The following FSTL5 variants were observed in gnomAD, a reference collection of about 807,000 sequenced individuals.
The protein encoded by FSTL5 is follistatin-related protein 5.
Under a neutral mutation model 89.1 loss-of-function variants are expected in FSTL5, and 62 were observed. The observed-to-expected ratio is 0.70, with a 90% CI of 0.57 to 0.86. FSTL5 has a LOEUF of 0.86. Among genes scored for constraint, FSTL5 ranks in the 40% least tolerant of loss-of-function variants. The pLI is 0.00. For missense variants in FSTL5, 1,057 were observed against 1,001.6 expected (o/e 1.06, Z -0.75); for synonymous variants, 383 against 346.2 (o/e 1.11, Z -1.18).
At chr4:161,590,494 G>A (rs766666459) in intron 7 of FSTL5, among the ~76,000 whole-genome samples, 45 of 152,236 alleles carry the variant, frequency 3.0e-4, no homozygotes, top group Admixed American at 3.9e-4. Flanking sequence ...AGCCGAAATC[G>A]TGCCACTGCA....
At chr4:162,048,397 G>C (rs1738270067) in intron 2 of FSTL5, among the ~76,000 whole-genome samples, 1 of 151,778 alleles carries the variant, frequency 6.6e-6, no homozygotes, top group South Asian at 2.1e-4. Context: ...TCTGCTCTCA[G>C]GACTAAAACA....
intron 8 of FSTL5, among the ~76,000 whole-genome samples, chr4:161,563,725 C>T (rs1025222211): frequency 3.9e-5 from 6 of 151,994 alleles, no homozygotes; most frequent in African/African-American, 1.4e-4. Flanking sequence ...TTCTCCCCAA[C>T]AATTTGGCCA....
intron 15 of FSTL5, among the ~76,000 whole-genome samples, chr4:161,430,327 T>C (rs1732314084): frequency 1.4e-5 from 2 of 147,756 alleles, no homozygotes; most frequent in Non-Finnish European, 3.0e-5. Context: ...AGAAAGTTTA[T>C]TCAAAGTCAT....
At chr4:161,810,980 T>G (rs1410001344) in intron 4 of FSTL5, among the ~76,000 whole-genome samples, 1 of 152,156 alleles carries the variant, frequency 6.6e-6, no homozygotes, top group East Asian at 1.9e-4. Context: ...GCCTTAAATG[T>G]TTCACATGAA....
intron 2 of FSTL5, among the ~76,000 whole-genome samples, chr4:162,101,529 G>T (rs1164412497): frequency 2.6e-5 from 4 of 152,306 alleles, no homozygotes; most frequent in East Asian, 1.9e-4. Flanking sequence ...GTTTGTGGCT[G>T]TGTCATCATC....
chr4:161,966,718 C>T (rs898688993), intron 3 of FSTL5, among the ~76,000 whole-genome samples: 4 of 152,042 alleles, frequency 2.6e-5, no homozygotes, highest in African/African-American at 9.7e-5. Context: ...AAGGAACCAG[C>T]CCTGCTGACA....
At chr4:161,427,071 A>G (rs1384485070) in intron 15 of FSTL5, among the ~76,000 whole-genome samples, 8 of 152,236 alleles carry the variant, frequency 5.3e-5, no homozygotes, top group African/African-American at 1.9e-4. Flanking sequence ...CTAGAGTTAG[A>G]GAACTTCTAT....
rs55825370 is a variant in FSTL5, at chr4:161,603,729, T to C, written c.895-16154A>G. Reference sequence around the variant, plus strand: ...ACATGACATGGATGAGAGCAGAGAATCCAGAATCATGTTCGAGAGACAGAA... The same window carrying C: ...ACATGACATGGATGAGAGCAGAGAACCCAGAATCATGTTCGAGAGACAGAA... On this transcript the variant is annotated intron_variant, in intron 7 of 15. Coordinates refer to ENST00000306100, the MANE Select transcript of FSTL5 (RefSeq NM_020116.5). 6.1e-3 allele frequency among the ~76,000 whole-genome samples: 921 copies of C among 152,126 alleles called. 7 individuals carry two copies. Among genetic ancestry groups the C allele is most frequent in the African/African-American group, 0.021 (875 of 41,506 alleles).
chr4:161,613,957 A>G (rs928608221), intron 7 of FSTL5, among the ~76,000 whole-genome samples: 14 of 152,110 alleles, frequency 9.2e-5, no homozygotes, highest in African/African-American at 3.4e-4. Context: ...TTTATTTCGA[A>G]TCACTATATA....
intron 4 of FSTL5, among the ~76,000 whole-genome samples, chr4:161,885,093 T>C (rs1457927764): frequency 1.1e-4 from 16 of 152,128 alleles, no homozygotes; most frequent in Non-Finnish European, 1.5e-5. Flanking sequence ...AGTTATTTGG[T>C]GTTAGAACTT....
chr4:161,507,830 CAT>C (rs1441921459), intron 11 of FSTL5, among the ~76,000 whole-genome samples: 1 of 151,752 alleles, frequency 6.6e-6, no homozygotes, highest in Non-Finnish European at 1.5e-5. Context: ...ATAAAAATAA[CAT>C]AGGTTTAACA....
chr4:161,540,913 T>G (rs1194350311), intron 9 of FSTL5, among the ~76,000 whole-genome samples: 1 of 152,148 alleles, frequency 6.6e-6, no homozygotes, highest in Non-Finnish European at 1.5e-5. Flanking sequence ...CTTTCTCTTC[T>G]TCCATATTAT....
In FSTL5 at chr4:161,954,051, G is replaced by A. The variant is rs574208089; in HGVS notation, c.161-33399C>T. Reference sequence around the variant, plus strand: ...TTATTCAACAAAGTATTATGTGTTAGAGGATAATGTTGCCAAATATTGCAA... The same window carrying A: ...TTATTCAACAAAGTATTATGTGTTAAAGGATAATGTTGCCAAATATTGCAA... On this transcript the variant is annotated intron_variant, in intron 3 of 15. Coordinates refer to ENST00000306100, the MANE Select transcript of FSTL5 (RefSeq NM_020116.5). 2.0e-5 allele frequency among the ~76,000 whole-genome samples: 3 copies of A among 151,664 alleles called. No individual in the cohort carries two copies. The South Asian group carries it at 6.2e-4, about 31-fold the overall frequency.
rs1439110086 is a variant in FSTL5, at chr4:161,785,488, A to G, written c.410-9414T>C. On this transcript the variant is annotated intron_variant, in intron 4 of 15. Coordinates refer to ENST00000306100, the MANE Select transcript of FSTL5 (RefSeq NM_020116.5). ...AAAGGGATGACTCCAGACTGTCTAA[A>G]TCTCATGGTTTTGTATTCATCTAAC... 2.0e-5 allele frequency among the ~76,000 whole-genome samples: 3 copies of G among 152,188 alleles called. No individual in the cohort carries two copies. The East Asian group carries it at 5.8e-4, about 29-fold the overall frequency.
intron 4 of FSTL5, among the ~76,000 whole-genome samples, chr4:161,848,838 A>T (rs1379097242): frequency 6.6e-6 from 1 of 152,170 alleles, no homozygotes; most frequent in Non-Finnish European, 1.5e-5. Flanking sequence ...AGGGATGCAC[A>T]TCTCACTTTT....
At chr4:161,773,806 A>G (rs1366324440) in intron 5 of FSTL5, among the ~76,000 whole-genome samples, 1 of 152,208 alleles carries the variant, frequency 6.6e-6, no homozygotes, top group Non-Finnish European at 1.5e-5. Flanking sequence ...CTAAAAATAG[A>G]ACTACCATTT....
At chr4:161,579,048 G>A (rs1733336319) in intron 8 of FSTL5, among the ~76,000 whole-genome samples, 1 of 152,108 alleles carries the variant, frequency 6.6e-6, no homozygotes, top group Admixed American at 6.5e-5. Flanking sequence ...GATCAGAAAT[G>A]CAAATGTTTT....
Position 161,481,168 on chromosome 4 carries a change from T to C in FSTL5, c.1460A>G (p.Asp487Gly), listed in dbSNP as rs1262919571. 1.3e-6 allele frequency: 2 copies of C among 1,595,188 alleles called. No individual in the cohort carries two copies. The highest frequency in any genetic ancestry group is 8.5e-7 in the Non-Finnish European group (1 of 1,171,754). The part of the protein sequence containing the change: ...KPSEKLLGFQ[D>G]EVCPKAEGDE... ...TCCCTCAGCTTTGGGACAGACTTCA[T>C]CCTGTAATTTAGGAAAGAGAAAATG... is the stretch of plus-strand genomic sequence containing the variant. The change falls in exon 13 of 16, where the codon GAT becomes GGT. Residue 487 changes from aspartate to glycine, a missense_variant and splice_region_variant. By Grantham distance (94) the Asp-to-Gly change is moderately conservative. Around this residue, in one of 3 missense-constraint regions of FSTL5, gnomAD observed 980 missense variants for 903.2 expected, o/e 1.08. Coordinates refer to ENST00000306100, the MANE Select transcript of FSTL5 (RefSeq NM_020116.5).
At chr4:161,688,676 A>G (rs1737824287) in intron 6 of FSTL5, among the ~76,000 whole-genome samples, 1 of 152,220 alleles carries the variant, frequency 6.6e-6, no homozygotes, top group African/African-American at 2.4e-5. Context: ...ACAGAATTTT[A>G]CATTTCCTAT....
Sources: allele counts gnomAD v4.1 joint callset (sites outside exome capture counted in the v4.1 genomes callset), GRCh38; gene constraint gnomAD v4.1.1; regional missense constraint gnomAD v4.1.1; transcripts MANE v1.5; gene names NCBI Gene and HGNC (gene_info 2026-07-23, HGNC 2026-07-21).